The following MACROD2 variants were observed in gnomAD, a reference collection of about 807,000 sequenced individuals.
The protein encoded by MACROD2 is mono-ADP ribosylhydrolase 2.
A neutral mutation model predicts 70.4 loss-of-function variants in MACROD2; 36 were observed. The ratio of observed to expected loss-of-function variants is 0.51; its 90% CI spans 0.39 to 0.68. The LOEUF (loss-of-function observed/expected upper bound fraction) is 0.68, where lower values mean the gene tolerates loss of function less well. Ranked by LOEUF, MACROD2 falls within the 30% of genes least tolerant of loss-of-function variation. MACROD2 has a pLI of 0.00. For missense variants in MACROD2, 496 were observed against 538.4 expected (o/e 0.92, Z 0.78); for synonymous variants, 172 against 178.8 (o/e 0.96, Z 0.30).
chr20:15,054,602 TA>T (rs993663552), intron 5 of MACROD2, among the ~76,000 whole-genome samples: 15 of 152,254 alleles, frequency 9.9e-5, no homozygotes, highest in African/African-American at 2.9e-4. Context: ...TACTAGGGAA[TA>T]AAAAAATGTG....
intron 12 of MACROD2, among the ~76,000 whole-genome samples, chr20:15,965,757 A>G (rs2066131789): frequency 6.6e-6 from 1 of 152,162 alleles, no homozygotes; most frequent in African/African-American, 2.4e-5. Flanking sequence ...TTAAAAGAGC[A>G]TATTTTAATG....
rs183848136 is a variant in MACROD2, at chr20:15,243,731, C to T, written c.540+13670C>T. 4.6e-5 allele frequency among the ~76,000 whole-genome samples: 7 copies of T among 151,306 alleles called. No individual in the cohort carries two copies. In the East Asian group the frequency reaches 5.8e-4, roughly 13 times the overall value. ...GAGATCGAGACCATCCTGGCTAACA[C>T]GGTGAAACCCTGTCTCTACTAAAAA... On this transcript the variant is annotated intron_variant, in intron 6 of 17. Coordinates refer to ENST00000684519, the MANE Select transcript of MACROD2 (RefSeq NM_001351661.2).
chr20:15,059,240 C>T (rs1156585387), intron 5 of MACROD2, among the ~76,000 whole-genome samples: 1 of 151,960 alleles, frequency 6.6e-6, no homozygotes, highest in African/African-American at 2.4e-5. Context: ...CACAAATTAG[C>T]TGGGTGTGGT....
chr20:15,391,644 C>T (rs1004469065), intron 6 of MACROD2, among the ~76,000 whole-genome samples: 1 of 152,170 alleles, frequency 6.6e-6, no homozygotes, highest in Non-Finnish European at 1.5e-5. Context: ...CAAGATCTTC[C>T]ATTAACCCCC....
intron 6 of MACROD2, among the ~76,000 whole-genome samples, chr20:15,341,363 ATAT>A (rs1487157906): frequency 7.2e-5 from 11 of 152,170 alleles, no homozygotes; most frequent in Admixed American, 5.9e-4. Context: ...TAACAAAATA[ATAT>A]TATAGTATCT....
At chr20:14,310,707 G>A (rs1304184571) in intron 3 of MACROD2, among the ~76,000 whole-genome samples, 1 of 152,150 alleles carries the variant, frequency 6.6e-6, no homozygotes, top group African/African-American at 2.4e-5. Context: ...TGTTGTCATA[G>A]GAGATGACAG....
chr20:15,741,943 A>G (rs1052559235), intron 8 of MACROD2, among the ~76,000 whole-genome samples: 1 of 152,148 alleles, frequency 6.6e-6, no homozygotes, highest in African/African-American at 2.4e-5. Flanking sequence ...TGACTGGTTG[A>G]TTGATTTTGC....
At chr20:15,107,229 A>C (rs2075917739) in intron 5 of MACROD2, among the ~76,000 whole-genome samples, 2 of 151,926 alleles carry the variant, frequency 1.3e-5, no homozygotes, top group Admixed American at 1.3e-4. Flanking sequence ...ACTGAAAACA[A>C]ACACACATAT....
intron 10 of MACROD2, among the ~76,000 whole-genome samples, chr20:15,919,729 C>T (rs932734327): frequency 1.1e-4 from 16 of 151,784 alleles, no homozygotes; most frequent in Admixed American, 7.9e-4. Flanking sequence ...TACGAGACTC[C>T]ATTTGAAAAA....
chr20:14,517,043 T>C (rs879541160), intron 4 of MACROD2, among the ~76,000 whole-genome samples: 1 of 152,114 alleles, frequency 6.6e-6, no homozygotes, highest in Non-Finnish European at 1.5e-5. Flanking sequence ...AAAGAACAGA[T>C]GCTGGAGAGG....
intron 3 of MACROD2, among the ~76,000 whole-genome samples, chr20:14,423,513 C>G (rs1235777527): frequency 6.6e-6 from 1 of 151,596 alleles, no homozygotes; most frequent in Non-Finnish European, 1.5e-5. Flanking sequence ...CCCTGTCTAA[C>G]ACGGTGAAAC....
Position 14,829,297 on chromosome 20 carries a change from T to G in MACROD2, c.418+144338T>G, listed in dbSNP as rs558754524. On this transcript the variant is annotated intron_variant, in intron 5 of 17. Coordinates refer to ENST00000684519, the MANE Select transcript of MACROD2 (RefSeq NM_001351661.2). ...GGTGCCTGCCACCACGCCCGGCTAA[T>G]TTTTTTGTATTTTTAGCAGAGACGG... Among the ~76,000 whole-genome samples the G allele has an allele frequency of 9.8e-4, 148 of 151,674 alleles. 1 individual carries two copies. The highest frequency in any genetic ancestry group is 2.3e-3 in the South Asian group (11 of 4,766).
intron 5 of MACROD2, among the ~76,000 whole-genome samples, chr20:15,120,608 T>C (rs112353248): frequency 1.6e-4 from 25 of 152,338 alleles, no homozygotes; most frequent in Middle Eastern, 3.4e-3. Context: ...ATTTTTGTTC[T>C]ATACACAGAC....
chr20:15,641,665 T>C (rs1335838413), intron 8 of MACROD2, among the ~76,000 whole-genome samples: 2 of 152,222 alleles, frequency 1.3e-5, no homozygotes, highest in Non-Finnish European at 2.9e-5. Context: ...GTCTTACACC[T>C]CTTTGCCTTT....
intron 6 of MACROD2, among the ~76,000 whole-genome samples, chr20:15,233,480 A>G (rs2076977049): frequency 6.6e-6 from 1 of 152,126 alleles, no homozygotes; most frequent in South Asian, 2.1e-4. Flanking sequence ...GAAATGTTAT[A>G]GTCATACATA....
intron 8 of MACROD2, among the ~76,000 whole-genome samples, chr20:15,561,193 C>T (rs1247059714): frequency 2.0e-5 from 3 of 152,178 alleles, no homozygotes; most frequent in Non-Finnish European, 2.9e-5. Flanking sequence ...CCTCAATATC[C>T]TTATTCTTCA....
intron 8 of MACROD2, among the ~76,000 whole-genome samples, chr20:15,791,947 A>G (rs2063628186): frequency 9.8e-6 from 1 of 101,526 alleles, no homozygotes; most frequent in African/African-American, 3.2e-5. Context: ...ATGAAAAATA[A>G]AAGTGAAAAA....
chr20:14,796,843 A>T (rs555232146), intron 5 of MACROD2, among the ~76,000 whole-genome samples: 4 of 152,144 alleles, frequency 2.6e-5, no homozygotes, highest in African/African-American at 9.6e-5. Context: ...GGGGCATTCT[A>T]GTGTTGCTTT....
intron 4 of MACROD2, among the ~76,000 whole-genome samples, chr20:14,504,697 CCTT>C (rs2084950273): frequency 6.6e-6 from 1 of 152,190 alleles, no homozygotes; most frequent in African/African-American, 2.4e-5. Context: ...GCTTGTCTCT[CCTT>C]CTTTCTCAGT....
Sources: allele counts gnomAD v4.1 joint callset (sites outside exome capture counted in the v4.1 genomes callset), GRCh38; gene constraint gnomAD v4.1.1; transcripts MANE v1.5; gene names NCBI Gene and HGNC (gene_info 2026-07-23, HGNC 2026-07-21).